NTNG2: variants seen among roughly 807,000 people sequenced by gnomAD.
NTNG2 encodes netrin G2, also known as netrin-G2.
In NTNG2, 15 loss-of-function variants were observed where a neutral mutation model predicts 47.6. The observed-to-expected ratio is 0.32, with a 90% confidence interval of 0.21 to 0.49. The LOEUF (loss-of-function observed/expected upper bound fraction) is 0.49. Among genes scored for constraint, NTNG2 ranks in the 20% least tolerant of loss-of-function variants. The pLI is 0.99. For missense variants in NTNG2, 578 were observed against 764.6 expected (o/e 0.76, Z 2.88); for synonymous variants, 307 against 324.6 (o/e 0.95, Z 0.58).
In NTNG2 at chr9:132,180,840, A is replaced by G. The variant is rs1236548869; in HGVS notation, c.213+13796A>G. ...TGGTCATGGCCCCACTTGAGAATCC[A>G]TGGTGCTCTTCCTAGAACCACGCAT... On this transcript the variant is annotated intron_variant, in intron 2 of 7. Coordinates refer to ENST00000393229, the MANE Select transcript of NTNG2 (RefSeq NM_032536.4). The surrounding 1 kb of genome is among the most constrained non-coding windows in gnomAD (Gnocchi z 4.2). 6.6e-6 allele frequency among the ~76,000 whole-genome samples: 1 copy of G among 152,234 alleles called. No individual in the cohort carries two copies. Among genetic ancestry groups the G allele is most frequent in the Admixed American group, 6.5e-5 (1 of 15,284 alleles).
At chr9:132,177,230 G>A (rs1414635816) in intron 2 of NTNG2, among the ~76,000 whole-genome samples, 1 of 152,216 alleles carries the variant, frequency 6.6e-6, no homozygotes, top group African/African-American at 2.4e-5. Flanking sequence ...CAAACGATCT[G>A]CCCGCCTGGG....
At chr9:132,229,871 G>A (rs1841065464) in intron 4 of NTNG2, among the ~76,000 whole-genome samples, 1 of 152,204 alleles carries the variant, frequency 6.6e-6, no homozygotes, top group Non-Finnish European at 1.5e-5. Flanking sequence ...ATCTCACCCA[G>A]GGATTTCAAG....
chr9:132,238,883 G>T, intron 5 of NTNG2: 1 of 629,886 alleles, frequency 1.6e-6, no homozygotes, highest in Non-Finnish European at 2.8e-6. Context: ...GGAATCCCTG[G>T]GCTCAGCCTA....
At chr9:132,169,854 C>T (rs1835764583) in intron 2 of NTNG2, among the ~76,000 whole-genome samples, 1 of 152,208 alleles carries the variant, frequency 6.6e-6, no homozygotes, top group Non-Finnish European at 1.5e-5. Context: ...TCCCCGGGCT[C>T]CTTTGCCTCT....
At chr9:132,234,660 G>A (rs913179566) in intron 5 of NTNG2, among the ~76,000 whole-genome samples, 3 of 152,244 alleles carry the variant, frequency 2.0e-5, no homozygotes, top group Non-Finnish European at 2.9e-5. Flanking sequence ...GGAAAACGCC[G>A]CTGGAGACAC....
In NTNG2 at chr9:132,181,322, CT is replaced by C. The variant is rs781556504; in HGVS notation, c.213+14294del. 3.1e-3 allele frequency among the ~76,000 whole-genome samples: 403 copies of C among 130,594 alleles called. 3 individuals are homozygous for C. The highest frequency in any genetic ancestry group is 6.9e-3 in the East Asian group (31 of 4,486). The allele number at this position is 130,594 out of a possible 152,430, so 85.7% of individuals were successfully genotyped here. A position where few individuals can be genotyped will look rare whatever the true frequency, so the allele number is the denominator to read the frequency against. ...GGTCTTAAACTCCTGGGCTCACTTT[CT>C]TTTTTTTTTTTTTTTGAGACGGAGT... On this transcript the variant is annotated intron_variant, in intron 2 of 7. Transcript: ENST00000393229.
intron 2 of NTNG2, among the ~76,000 whole-genome samples, chr9:132,187,984 G>A (rs1224863847): frequency 6.6e-6 from 1 of 152,254 alleles, no homozygotes; most frequent in East Asian, 1.9e-4. Context: ...GTCACACATG[G>A]TGTTAGGGGC....
intron 3 of NTNG2, among the ~76,000 whole-genome samples, chr9:132,207,706 G>A (rs1004370954): frequency 3.3e-5 from 5 of 152,196 alleles, no homozygotes; most frequent in Non-Finnish European, 7.3e-5. Flanking sequence ...CACAAGCAGG[G>A]TGCCAGGGTC....
chr9:132,241,503 AGGTATTT>A (rs1841985065), intron 7 of NTNG2: 1 of 332,692 alleles, frequency 3.0e-6, no homozygotes, highest in Admixed American at 4.8e-5. Flanking sequence ...TTGGTTGGAA[AGGTATTT>A]GCGGGGACAG....
chr9:132,229,371 C>T (rs891702580), intron 4 of NTNG2, among the ~76,000 whole-genome samples: 4 of 152,100 alleles, frequency 2.6e-5, no homozygotes, highest in East Asian at 3.9e-4. Flanking sequence ...ACCCTCCTCC[C>T]GCCACGTTCT....
At chr9:132,225,720 C>T (rs1162566694) in intron 3 of NTNG2, among the ~76,000 whole-genome samples, 1 of 152,172 alleles carries the variant, frequency 6.6e-6, no homozygotes, top group Admixed American at 6.5e-5. Context: ...TTTGATTTTA[C>T]AGGATGTTTG....
chr9:132,185,413 C>T (rs537837840), intron 2 of NTNG2, among the ~76,000 whole-genome samples: 209 of 152,300 alleles, frequency 1.4e-3, no homozygotes, highest in African/African-American at 4.1e-3. Flanking sequence ...CACCCCACCC[C>T]GGCACTGAAA....
chr9:132,194,929 C>G (rs1215137125), intron 2 of NTNG2, among the ~76,000 whole-genome samples: 1 of 152,192 alleles, frequency 6.6e-6, no homozygotes, highest in African/African-American at 2.4e-5. Flanking sequence ...GCGGTGGGCC[C>G]CATTTCCCCC....
intron 2 of NTNG2, among the ~76,000 whole-genome samples, chr9:132,190,945 A>G (rs1837835722): frequency 2.0e-5 from 3 of 152,074 alleles, no homozygotes; most frequent in Admixed American, 2.0e-4. Context: ...GTGTGTCCAG[A>G]GAGATAGGAA....
At chr9:132,173,172 G>A (rs61423898) in intron 2 of NTNG2, among the ~76,000 whole-genome samples, 4,398 of 152,284 alleles carry the variant, frequency 0.029, 183 homozygotes, top group East Asian at 0.092. Flanking sequence ...CTGTCCTTAA[G>A]TCAGTTGCAA....
chr9:132,190,782 C>T (rs1837818594), intron 2 of NTNG2, among the ~76,000 whole-genome samples: 2 of 152,202 alleles, frequency 1.3e-5, no homozygotes, highest in South Asian at 4.1e-4. Context: ...TAGAATATTT[C>T]ATGCCAGGAG....
chr9:132,183,379 C>A (rs556670314), intron 2 of NTNG2, among the ~76,000 whole-genome samples: 2 of 152,216 alleles, frequency 1.3e-5, no homozygotes, highest in African/African-American at 4.8e-5. Flanking sequence ...GGCTCAGCAG[C>A]GTGCATGCGT....
At chr9:132,240,254 G>T (rs1049337536) in intron 6 of NTNG2, among the ~76,000 whole-genome samples, 1 of 152,250 alleles carries the variant, frequency 6.6e-6, no homozygotes, top group African/African-American at 2.4e-5. Context: ...GATCAAAGCC[G>T]CTGACGTCAC....
chr9:132,200,146 G>A (rs535226758), intron 3 of NTNG2, among the ~76,000 whole-genome samples: 4 of 152,208 alleles, frequency 2.6e-5, no homozygotes, highest in Admixed American at 6.5e-5. Flanking sequence ...CACATAATAC[G>A]CACTAAAAAA....
Sources: allele counts gnomAD v4.1 joint callset (sites outside exome capture counted in the v4.1 genomes callset), GRCh38; gene constraint gnomAD v4.1.1; non-coding constraint Gnocchi (gnomAD v3.1); transcripts MANE v1.5; gene names NCBI Gene and HGNC (gene_info 2026-07-23, HGNC 2026-07-21).